CTNNA3: variants seen among roughly 807,000 people sequenced by gnomAD.
The protein encoded by CTNNA3 is catenin alpha-3.
In CTNNA3, 76 loss-of-function variants were observed where a neutral mutation model predicts 95.7. The ratio of observed to expected loss-of-function variants is 0.79; its 90% CI spans 0.66 to 0.96. CTNNA3 has a LOEUF of 0.96. Among genes scored for constraint, CTNNA3 ranks in the 40% least tolerant of loss-of-function variants. The pLI is 0.00. For missense variants in CTNNA3, 1,191 were observed against 1,089.8 expected (o/e 1.09, Z -1.31); for synonymous variants, 431 against 374.4 (o/e 1.15, Z -1.74).
Position 67,219,840 on chromosome 10 carries a change from T to G in CTNNA3, c.610A>C (p.Ile204Leu). 1 of 1,612,594 alleles carries G rather than the reference T, an allele frequency of 6.2e-7. No homozygotes were observed. The highest frequency in any genetic ancestry group is 1.7e-4 in the Middle Eastern group (1 of 6,040). The stretch of plus-strand genomic sequence containing the variant: ...TTCAGTGAAGCTCGGGCTCCTGCAA[T>G]TTCATCTCTCTGATTTGGAGATTTT... ...DLKSPNQRDE[I>L]AGARASLKEN... is the part of the protein sequence containing the mutation. The change falls in exon 6 of 18, where the codon ATT becomes CTT. Residue 204 changes from isoleucine to leucine, a missense_variant. By Grantham distance (5) the Ile-to-Leu change is conservative. Coordinates refer to ENST00000433211, the MANE Select transcript of CTNNA3 (RefSeq NM_013266.4).
At chr10:67,395,508 G>A (rs1844678115) in intron 5 of CTNNA3, among the ~76,000 whole-genome samples, 1 of 152,142 alleles carries the variant, frequency 6.6e-6, no homozygotes, top group African/African-American at 2.4e-5. Context: ...TCCCTTCATA[G>A]TGTTAACACA....
intron 11 of CTNNA3, among the ~76,000 whole-genome samples, chr10:66,520,245 C>CTTTTTT (rs543882241): frequency 7.6e-4 from 59 of 78,068 alleles, no homozygotes; most frequent in Middle Eastern, 0.012. Context: ...TAGTATTATT[C>CTTTTTT]TTTTTTTTTT....
At chr10:66,489,187 G>A (rs980841397) in intron 11 of CTNNA3, among the ~76,000 whole-genome samples, 1 of 152,146 alleles carries the variant, frequency 6.6e-6, no homozygotes, top group Non-Finnish European at 1.5e-5. Flanking sequence ...CCAGAGGTCA[G>A]ATTATCAAAA....
chr10:66,200,765 C>T (rs1290684566), intron 13 of CTNNA3, among the ~76,000 whole-genome samples: 3 of 152,142 alleles, frequency 2.0e-5, no homozygotes, highest in African/African-American at 4.8e-5. Flanking sequence ...TTGTATTAAA[C>T]ATTACCCAGC....
At chr10:66,928,437 C>G in intron 7 of CTNNA3, 1 of 1,607,746 alleles carries the variant, frequency 6.2e-7, no homozygotes, top group Non-Finnish European at 8.5e-7. Context: ...ACAAATCGGG[C>G]TCCAGGGAGT....
intron 17 of CTNNA3, among the ~76,000 whole-genome samples, chr10:65,944,854 G>GTCTA (rs56952134): frequency 0.074 from 10,761 of 144,856 alleles, 424 homozygotes; most frequent in East Asian, 0.1. Flanking sequence ...GAAAATATCT[G>GTCTA]TCTATCTATC....
At chr10:67,167,263 A>T (rs1861812056) in intron 7 of CTNNA3, among the ~76,000 whole-genome samples, 1 of 152,150 alleles carries the variant, frequency 6.6e-6, no homozygotes. Flanking sequence ...AATAGGCTAG[A>T]CATACAAGAT....
chr10:66,115,442 A>G (rs1478420061), intron 13 of CTNNA3, among the ~76,000 whole-genome samples: 5 of 152,112 alleles, frequency 3.3e-5, no homozygotes, highest in African/African-American at 1.2e-4. Flanking sequence ...TGGTTTTACA[A>G]AAGTTTTCCA....
intron 10 of CTNNA3, among the ~76,000 whole-genome samples, chr10:66,528,130 C>T (rs1564513508): frequency 6.6e-6 from 1 of 152,032 alleles, no homozygotes; most frequent in Non-Finnish European, 1.5e-5. Context: ...TGTGTTTGAT[C>T]CTCATTTCTC....
chr10:67,454,811 A>G (rs951129068), intron 5 of CTNNA3, among the ~76,000 whole-genome samples: 3 of 152,202 alleles, frequency 2.0e-5, no homozygotes, highest in Non-Finnish European at 4.4e-5. Flanking sequence ...CTCAATTTAC[A>G]TTGAAAAGAC....
rs1158890873 is a variant in CTNNA3, at chr10:65,914,869, T to C, written c.*5461A>G. 2.6e-5 allele frequency: 4 copies of C among 152,162 alleles called. No homozygotes were observed. The highest frequency in any genetic ancestry group is 2.1e-4 in the South Asian group (1 of 4,822). The allele number at this position is 152,162 out of a possible 1,614,324, so 9.4% of individuals were successfully genotyped here. Reference sequence around the variant, plus strand: ...AGAGGTGAGAATATTCAGCTAATTATATATCTGTCTTGAATGATGTAAAAT... The same window carrying C: ...AGAGGTGAGAATATTCAGCTAATTACATATCTGTCTTGAATGATGTAAAAT... On this transcript the variant is annotated 3_prime_UTR_variant, in exon 18 of 18. Transcript: ENST00000433211.
chr10:67,729,288 AT>A (rs1457699597), intron 1 of CTNNA3, among the ~76,000 whole-genome samples: 1 of 152,130 alleles, frequency 6.6e-6, no homozygotes, highest in East Asian at 1.9e-4. Context: ...ATCCAATGGC[AT>A]GTGACAAATG....
At chr10:66,650,529 T>C (rs1346542558) in intron 9 of CTNNA3, among the ~76,000 whole-genome samples, 1 of 152,192 alleles carries the variant, frequency 6.6e-6, no homozygotes, top group Non-Finnish European at 1.5e-5. Flanking sequence ...TGGTGGGTTC[T>C]TGGTCTCGCT....
At chr10:67,097,951 G>A (rs1294591857) in intron 7 of CTNNA3, 1 of 655,870 alleles carries the variant, frequency 1.5e-6, no homozygotes, top group Non-Finnish European at 2.6e-6. Flanking sequence ...ATGAAATAAA[G>A]AAGACATGAA....
chr10:66,740,372 TC>T lies in CTNNA3; in HGVS notation c.1281+25891del, dbSNP rs1849289061. ...ATCTGTGAGGCTCTGGGGTTTATGC[TC>T]CCTAGGTTTAGAAGATTTTATGTTT... On this transcript the variant is annotated intron_variant, in intron 9 of 17. Coordinates refer to ENST00000433211, the MANE Select transcript of CTNNA3 (RefSeq NM_013266.4). Among the ~76,000 whole-genome samples, 3 of 152,322 alleles carry T rather than the reference TC, an allele frequency of 2.0e-5. No individual in the cohort carries two copies. The South Asian group carries it at 6.2e-4, about 32-fold the overall frequency.
intron 7 of CTNNA3, among the ~76,000 whole-genome samples, chr10:66,857,587 T>C (rs1843731664): frequency 6.6e-6 from 1 of 151,954 alleles, no homozygotes; most frequent in Non-Finnish European, 1.5e-5. Context: ...ATTTCTTTAA[T>C]AAGTGTTTTT....
intron 5 of CTNNA3, chr10:67,334,047 T>G (rs1158776434): frequency 6.6e-6 from 1 of 152,178 alleles, no homozygotes; most frequent in Non-Finnish European, 1.5e-5. Flanking sequence ...TAAAGCATAT[T>G]TTACAATAAA....
intron 13 of CTNNA3, among the ~76,000 whole-genome samples, chr10:66,237,578 A>G (rs1035345941): frequency 6.6e-6 from 1 of 151,810 alleles, no homozygotes; most frequent in African/African-American, 2.4e-5. Context: ...TTTTTTTAAA[A>G]GGGGTGTGAA....
chr10:66,222,686 A>AGGAGGGGC (rs1443580849), intron 13 of CTNNA3, among the ~76,000 whole-genome samples: 2 of 149,754 alleles, frequency 1.3e-5, no homozygotes, highest in African/African-American at 4.9e-5. Context: ...GGAGGAAGGA[A>AGGAGGGGC]GGGAGGGAGG....
Sources: gnomAD v4.1 joint callset for allele counts (sites outside exome capture counted in the v4.1 genomes callset) on GRCh38, gnomAD v4.1.1 for gene constraint, MANE v1.5 for transcripts, NCBI Gene and HGNC (gene_info 2026-07-23, HGNC 2026-07-21) for gene names.